QSER1: variants seen among roughly 807,000 people sequenced by gnomAD.
QSER1 encodes glutamine and serine rich 1, also known as glutamine and serine-rich protein 1.
QSER1 carries 49 observed loss-of-function variants against 158.5 expected under a neutral mutation model. That is an observed-to-expected ratio of 0.31 (90% CI 0.25 to 0.39). The LOEUF is 0.39. QSER1 is among the 10% of genes least tolerant of loss of function. The pLI is 1.00. For missense variants in QSER1, 1,754 were observed against 2,010.3 expected (o/e 0.87, Z 2.44); for synonymous variants, 650 against 715.5 (o/e 0.91, Z 1.46).
chr11:32,906,044 A>T (rs2133498891), intron 1 of QSER1, among the ~76,000 whole-genome samples: 1 of 152,158 alleles, frequency 6.6e-6, no homozygotes, highest in Non-Finnish European at 1.5e-5. Flanking sequence ...TTAATAATGC[A>T]GAACAAGAAT....
chr11:32,897,017 G>T (rs1045960527), intron 1 of QSER1, among the ~76,000 whole-genome samples: 27 of 152,174 alleles, frequency 1.8e-4, no homozygotes, highest in African/African-American at 6.3e-4. Context: ...CATGGAAACC[G>T]TGTTGTAAGT....
intron 1 of QSER1, among the ~76,000 whole-genome samples, chr11:32,925,167 T>C (rs1851951725): frequency 6.6e-6 from 1 of 152,236 alleles, no homozygotes; most frequent in Non-Finnish European, 1.5e-5. Context: ...GTCTTTGCTA[T>C]TGTGAATAAT....
At chr11:32,949,139 T>C (rs1010323645) in intron 4 of QSER1, among the ~76,000 whole-genome samples, 8 of 152,280 alleles carry the variant, frequency 5.3e-5, no homozygotes, top group Admixed American at 1.3e-4. Flanking sequence ...TTTCCCAGTT[T>C]ACCCTTCATT....
Position 32,932,968 on chromosome 11 carries a change from G to A in QSER1, c.1710G>A (p.Gln570=). The A allele has an allele frequency of 6.2e-7, 1 of 1,612,962 alleles. No homozygotes were observed. The change falls in exon 4 of 13, where the codon CAG becomes CAA. Residue 570 remains glutamine, a synonymous_variant. Transcript: ENST00000650167. ...GTTTATCACCAGTTAGCCAGACACA[G>A]GTTAGCTATTCATCTCAATCACAAG... ...SQGLSPVSQT[Q]VSYSSQSQVL... is the part of the protein sequence containing the mutation.
chr11:32,964,656 G>A (rs1327684295), intron 8 of QSER1, among the ~76,000 whole-genome samples: 1 of 142,202 alleles, frequency 7.0e-6, no homozygotes, highest in South Asian at 2.3e-4. Context: ...TTGAGGCTGA[G>A]AGTTCAAGAC....
rs758620842 is a variant in QSER1 at position 32,932,620 on chromosome 11, A to G, written c.1362A>G (p.Gln454=). Residue 454 remains glutamine (Q), a synonymous_variant, in exon 4 of 13, where the codon CAA becomes CAG. Coordinates refer to ENST00000650167, the MANE Select transcript of QSER1 (RefSeq NM_001076786.3). ...GTTCTGTAATATCGGGCCAAGCACA[A>G]ATTTATTCTACAGCGCAGCTACCAA... The part of the protein sequence containing the change: ...NQSSVISGQA[Q]IYSTAQLPSL... 1 of 1,614,158 alleles carries G rather than the reference A, an allele frequency of 6.2e-7. No homozygotes were observed. The highest frequency in any genetic ancestry group is 8.5e-7 in the Non-Finnish European group (1 of 1,180,022).
rs1170729223 is a variant in QSER1, at chr11:32,893,789, AG to A, written c.209+457del. The stretch of plus-strand genomic sequence containing the variant: ...CGTGTGAGGGTTGCGGAGGCGGGAG[AG>A]GAAGAGTCGCGGAACCGCGTCCCGG... On this transcript the variant is annotated intron_variant, in intron 1 of 12. Transcript: ENST00000650167. This position sits in a 1 kb window ranked among gnomAD's most constrained non-coding sequence, Gnocchi z 4.7. Among the ~76,000 whole-genome samples the A allele has an allele frequency of 6.6e-6, 1 of 151,796 alleles. No homozygotes were observed. Among genetic ancestry groups the A allele is most frequent in the Non-Finnish European group, 1.5e-5 (1 of 67,968 alleles).
intron 1 of QSER1, among the ~76,000 whole-genome samples, chr11:32,906,928 T>A: frequency 6.6e-6 from 1 of 152,234 alleles, no homozygotes; most frequent in East Asian, 1.9e-4. Context: ...AAGAGAACTC[T>A]GAAAGATAAA....
intron 1 of QSER1, among the ~76,000 whole-genome samples, chr11:32,923,041 T>C (rs1454070068): frequency 1.3e-5 from 2 of 152,134 alleles, no homozygotes; most frequent in Non-Finnish European, 2.9e-5. Flanking sequence ...CCCAGATGTC[T>C]CTCAACTGGT....
chr11:32,934,431 A>T lies in QSER1; in HGVS notation c.3173A>T (p.Asn1058Ile), dbSNP rs754759355. 1.2e-6 allele frequency: 2 copies of T among 1,613,870 alleles called. No homozygotes were observed. The highest frequency in any genetic ancestry group is 1.7e-4 in the Middle Eastern group (1 of 6,058). ...TTAAATGGAAATCAGGTTACTGTGA[A>T]CCTTTCACCAGTACCTGCCCTTCAG... ...TSLNGNQVTV[N>I]LSPVPALQSK... Residue 1058 changes from asparagine to isoleucine, a missense_variant, in exon 4 of 13, where the codon AAC becomes ATC. Around this residue, in one of 2 missense-constraint regions of QSER1, gnomAD observed 1,707 missense variants for 1,919.6 expected, o/e 0.89. Transcript: ENST00000650167.
In QSER1 at chr11:32,974,111, A is replaced by G. The variant is rs553203535; in HGVS notation, c.5358+562A>G. On this transcript the variant is annotated intron_variant, in intron 11 of 12. Transcript: ENST00000650167. ...TTTTCAGAAAACAGTTTGGCAACATATCAACTTCACAGCAAAAATGTATTC... is the reference window on the plus strand; with the variant it reads ...TTTTCAGAAAACAGTTTGGCAACATGTCAACTTCACAGCAAAAATGTATTC... Among the ~76,000 whole-genome samples the G allele has an allele frequency of 2.0e-5, 3 of 152,326 alleles. No individual in the cohort carries two copies. In the South Asian group the frequency reaches 6.2e-4, roughly 32 times the overall value.
rs1416628498 is a variant in QSER1, at chr11:32,977,389, A to C, written c.*915A>C. 6.6e-6 allele frequency: 1 copy of C among 152,630 alleles called. No individual in the cohort carries two copies. Among genetic ancestry groups the C allele is most frequent in the Non-Finnish European group, 1.5e-5 (1 of 68,038 alleles). The allele number at this position is 152,630 out of a possible 1,614,324, so 9.5% of individuals were successfully genotyped here. ...TCAGTGTTATCCAGAATATGCATTC[A>C]GTACTAGAATTAGTTTAGCTTTATA... On this transcript the variant is annotated 3_prime_UTR_variant, in exon 13 of 13. Transcript: ENST00000650167.
chr11:32,962,943 T>A (rs1852652746), intron 8 of QSER1, among the ~76,000 whole-genome samples: 1 of 152,146 alleles, frequency 6.6e-6, no homozygotes, highest in Non-Finnish European at 1.5e-5. Context: ...CAAATAAAAA[T>A]CTTGTTTTCT....
Position 32,934,405 on chromosome 11 carries a change from C to CTTA in QSER1, c.3148_3150dup (p.Leu1050dup). The CTTA allele has an allele frequency of 1.9e-6, 3 of 1,613,778 alleles. No homozygotes were observed. Among genetic ancestry groups the CTTA allele is most frequent in the Non-Finnish European group, 1.7e-6 (2 of 1,179,970 alleles). On this transcript the variant is annotated inframe_insertion, in exon 4 of 13. Coordinates refer to ENST00000650167, the MANE Select transcript of QSER1 (RefSeq NM_001076786.3). ...AGCCACAGAATATAAATGATACTTC[C>CTTA]TTAAATGGAAATCAGGTTACTGTGA...
intron 8 of QSER1, among the ~76,000 whole-genome samples, chr11:32,965,490 T>C (rs1264289760): frequency 6.6e-6 from 1 of 152,204 alleles, no homozygotes; most frequent in Non-Finnish European, 1.5e-5. Context: ...AGGAAATCTA[T>C]GTATTACTCA....
chr11:32,952,014 A>ATT (rs1475427401), intron 4 of QSER1, among the ~76,000 whole-genome samples: 5 of 151,296 alleles, frequency 3.3e-5, no homozygotes, highest in African/African-American at 1.2e-4. Flanking sequence ...ATTTTTTTGT[A>ATT]TTTTTAGTAG....
chr11:32,958,165 C>A lies in QSER1; in HGVS notation c.4969+79C>A, dbSNP rs1319385619. The A allele has an allele frequency of 5.4e-6, 6 of 1,118,716 alleles. No individual in the cohort carries two copies. The East Asian group carries it at 1.5e-4, about 27-fold the overall frequency. The allele number at this position is 1,118,716 out of a possible 1,614,324, so 69.3% of individuals were successfully genotyped here. Reference sequence around the variant, plus strand: ...GGTGAGGAGCAGGATGCTGACAATTCAAAATGTATTTACTTTTCAGGGAAT... The same window carrying A: ...GGTGAGGAGCAGGATGCTGACAATTAAAAATGTATTTACTTTTCAGGGAAT... On this transcript the variant is annotated intron_variant, in intron 8 of 12. Coordinates refer to ENST00000650167, the MANE Select transcript of QSER1 (RefSeq NM_001076786.3).
At chr11:32,910,706 T>A (rs948019161) in intron 1 of QSER1, among the ~76,000 whole-genome samples, 1 of 152,232 alleles carries the variant, frequency 6.6e-6, no homozygotes, top group African/African-American at 2.4e-5. Context: ...ACACTGCCAA[T>A]ATAATGAGAA....
chr11:32,957,124 CT>C (rs1247691228), intron 7 of QSER1, among the ~76,000 whole-genome samples: 9 of 140,234 alleles, frequency 6.4e-5, no homozygotes, highest in South Asian at 2.4e-4. Context: ...TCTTTTTTTT[CT>C]TTTTTTTTCT....
Sources: allele counts gnomAD v4.1 joint callset (sites outside exome capture counted in the v4.1 genomes callset), GRCh38; gene constraint gnomAD v4.1.1; regional missense constraint gnomAD v4.1.1; non-coding constraint Gnocchi (gnomAD v3.1); transcripts MANE v1.5; gene names NCBI Gene and HGNC (gene_info 2026-07-23, HGNC 2026-07-21).